The following DMD variants were observed in gnomAD, a reference collection of about 807,000 sequenced individuals.
DMD encodes dystrophin.
In DMD, 63 loss-of-function variants were observed where a neutral mutation model predicts 330.1. The ratio of observed to expected loss-of-function variants is 0.19; its 90% CI spans 0.16 to 0.24. DMD has a LOEUF of 0.24. Ranked by LOEUF, DMD falls within the 10% of genes least tolerant of loss-of-function variation. The pLI is 1.00. For synonymous variants in DMD, 1,223 were observed against 959.8 expected (o/e 1.27, Z -5.07); for missense variants, 3,344 against 2,684.1 (o/e 1.25, Z -5.43).
chrX:32,397,541 T>G (rs1359244370), intron 30 of DMD, among the ~76,000 whole-genome samples: 1 of 111,869 alleles, frequency 8.9e-6, no homozygotes, highest in Non-Finnish European at 1.9e-5. Context: ...CAACATTCCA[T>G]TATAAAAAAG....
chrX:31,830,222 G>A (rs1265717675), intron 49 of DMD, among the ~76,000 whole-genome samples: 2 of 112,541 alleles, frequency 1.8e-5, no homozygotes, highest in Non-Finnish European at 1.9e-5. Context: ...CATTGTAAAC[G>A]AGTCTTTCAA....
chrX:32,222,352 C>T (rs776545011), intron 43 of DMD, among the ~76,000 whole-genome samples: 1 of 111,909 alleles, frequency 8.9e-6, no homozygotes, highest in African/African-American at 3.2e-5. Flanking sequence ...GACTACCTAA[C>T]ATCACACCTG....
intron 47 of DMD, among the ~76,000 whole-genome samples, chrX:31,923,352 TC>T (rs1210613094): frequency 1.8e-5 from 2 of 111,771 alleles, no homozygotes; most frequent in African/African-American, 6.5e-5. Context: ...ATTATGCATG[TC>T]CTTTAAATAA....
At chrX:32,807,830 A>G (rs938752297) in intron 7 of DMD, among the ~76,000 whole-genome samples, 1 of 111,949 alleles carries the variant, frequency 8.9e-6, no homozygotes, top group African/African-American at 3.2e-5. Flanking sequence ...TTGTCACTTA[A>G]TAAGAAAAAT....
chrX:31,648,753 T>C (rs951288120), intron 54 of DMD, among the ~76,000 whole-genome samples: 4 of 103,192 alleles, frequency 3.9e-5, no homozygotes, highest in Non-Finnish European at 5.8e-5. Context: ...AACTCATTAA[T>C]ACCTATATGT....
chrX:31,204,586 G>GT (rs759378230), intron 66 of DMD, among the ~76,000 whole-genome samples: 1 of 112,297 alleles, frequency 8.9e-6, no homozygotes, highest in East Asian at 2.8e-4. Flanking sequence ...AGTCCATCAT[G>GT]TATGTGTTCC....
chrX:32,170,186 G>A (rs1201583461), intron 44 of DMD, among the ~76,000 whole-genome samples: 1 of 110,485 alleles, frequency 9.1e-6, no homozygotes, highest in Non-Finnish European at 1.9e-5. Flanking sequence ...AAAAGAAAGA[G>A]TGGGCCAGGT....
intron 42 of DMD, among the ~76,000 whole-genome samples, chrX:32,288,383 T>G (rs189730209): frequency 2.7e-5 from 3 of 111,783 alleles, no homozygotes; most frequent in African/African-American, 9.8e-5. Flanking sequence ...AGTATTCAAA[T>G]TATTGGGCAA....
At chrX:32,005,158 C>G (rs991329757) in intron 44 of DMD, among the ~76,000 whole-genome samples, 1 of 111,876 alleles carries the variant, frequency 8.9e-6, no homozygotes, top group African/African-American at 3.2e-5. Context: ...AAGATTCCAC[C>G]TGGATCTTAC....
chrX:32,653,756 C>A (rs1047194006), intron 9 of DMD, among the ~76,000 whole-genome samples: 17 of 111,575 alleles, frequency 1.5e-4, no homozygotes, highest in African/African-American at 5.5e-4. Context: ...GGCAGTATGG[C>A]CATTTTCACA....
chrX:32,887,790 C>T (rs1231958435), intron 2 of DMD, among the ~76,000 whole-genome samples: 1 of 71,331 alleles, frequency 1.4e-5, no homozygotes, highest in Non-Finnish European at 2.6e-5. Flanking sequence ...CAACTAAAAG[C>T]TTATGACATT....
At chrX:32,496,762 G>A (rs760764392) in intron 19 of DMD, among the ~76,000 whole-genome samples, 2 of 112,747 alleles carry the variant, frequency 1.8e-5, no homozygotes, top group African/African-American at 3.2e-5. Flanking sequence ...GAAGAAAAAT[G>A]TGCCTGTCAA....
chrX:32,209,296 T>C (rs941306718), intron 44 of DMD, among the ~76,000 whole-genome samples: 2 of 110,993 alleles, frequency 1.8e-5, no homozygotes, highest in African/African-American at 6.6e-5. Context: ...GGCATATCTG[T>C]GAATATAAAA....
intron 7 of DMD, among the ~76,000 whole-genome samples, chrX:32,742,437 A>T (rs2069408765): frequency 9.0e-6 from 1 of 111,611 alleles, no homozygotes; most frequent in Non-Finnish European, 1.9e-5. Context: ...AGCTGGTGGA[A>T]GTGAAAATAT....
At chrX:33,053,188 G>A (rs1035780042) in intron 1 of DMD, among the ~76,000 whole-genome samples, 1 of 111,668 alleles carries the variant, frequency 9.0e-6, no homozygotes, top group African/African-American at 3.3e-5. Context: ...TTGTGCTGGG[G>A]ACTAGGGAGA....
intron 62 of DMD, among the ~76,000 whole-genome samples, chrX:31,285,733 T>C (rs1448829021): frequency 8.9e-6 from 1 of 112,026 alleles, no homozygotes; most frequent in East Asian, 2.8e-4. Context: ...AAACTCCAGC[T>C]GGCATATCAT....
Position 32,621,516 on chromosome X carries a change from G to A in DMD, c.1332-7063C>T, listed in dbSNP as rs185687333. Among the ~76,000 whole-genome samples the A allele has an allele frequency of 4.0e-4, 44 of 108,668 alleles. 1 individual carries two copies. Among genetic ancestry groups the A allele is most frequent in the Middle Eastern group, 4.8e-3 (1 of 209 alleles). 94.4% of individuals were successfully genotyped at this position (108,668 alleles called of 115,157 possible). ...TTTTTTTTCTCTTAATAGAGACAAG[G>A]TCTCATTATGTTGCCCAGGCTGGTC... On this transcript the variant is annotated intron_variant, in intron 11 of 78. Transcript: ENST00000357033.
At chrX:31,980,431 T>C (rs959072218) in intron 44 of DMD, among the ~76,000 whole-genome samples, 1 of 112,147 alleles carries the variant, frequency 8.9e-6, no homozygotes, top group Non-Finnish European at 1.9e-5. Flanking sequence ...AAATAGTACA[T>C]TTTGTATGAT....
At chrX:32,553,035 T>A (rs770308466) in intron 16 of DMD, among the ~76,000 whole-genome samples, 6 of 111,735 alleles carry the variant, frequency 5.4e-5, no homozygotes, top group Admixed American at 9.5e-5. Context: ...AAAACCAGAA[T>A]TACCATTCGA....
Sources: allele counts gnomAD v4.1 joint callset (sites outside exome capture counted in the v4.1 genomes callset), GRCh38; gene constraint gnomAD v4.1.1; transcripts MANE v1.5; gene names NCBI Gene and HGNC (gene_info 2026-07-23, HGNC 2026-07-21).